The following SEC31A variants were observed in gnomAD, a reference collection of about 807,000 sequenced individuals.
SEC31A encodes the protein protein transport protein Sec31A.
SEC31A carries 70 observed loss-of-function variants against 151.0 expected under a neutral mutation model. That is an observed-to-expected ratio of 0.46 (90% CI 0.38 to 0.57). The LOEUF (loss-of-function observed/expected upper bound fraction) is 0.57. Among genes scored for constraint, SEC31A ranks in the 20% least tolerant of loss-of-function variants. SEC31A has a pLI of 0.00. For synonymous variants in SEC31A, 475 were observed against 505.9 expected (o/e 0.94, Z 0.82); for missense variants, 1,330 against 1,471.2 (o/e 0.90, Z 1.57).
In SEC31A at chr4:82,818,956, C is replaced by G; in HGVS notation, c.*118G>C. 1 of 717,762 alleles carries G rather than the reference C, an allele frequency of 1.4e-6. No individual in the cohort carries two copies. Among genetic ancestry groups the G allele is most frequent in the East Asian group, 2.8e-5 (1 of 35,640 alleles). 44.5% of individuals were successfully genotyped at this position (717,762 alleles called of 1,614,324 possible). On this transcript the variant is annotated 3_prime_UTR_variant, in exon 27 of 27. Transcript: ENST00000395310. ...TATATCAGCAGAAATAGTGTAAATG[C>G]TCTTGACTGGTTGCTATGCAAACAT...
At chr4:82,878,270 C>T (rs529143004) in intron 4 of SEC31A, among the ~76,000 whole-genome samples, 16 of 151,898 alleles carry the variant, frequency 1.1e-4, no homozygotes, top group Non-Finnish European at 1.5e-4. Flanking sequence ...CCGAGGCGGG[C>T]GGATCACAAG....
intron 10 of SEC31A, among the ~76,000 whole-genome samples, 178 bp from the exon 11 acceptor site, chr4:82,864,776 T>C (rs1018912334): frequency 6.6e-6 from 1 of 151,862 alleles, no homozygotes; most frequent in Non-Finnish European, 1.5e-5. Context: ...TTTGGTTTTT[T>C]GGTTTTTTTT....
At chr4:82,849,134 G>A (rs1392283609) in intron 19 of SEC31A, among the ~76,000 whole-genome samples, 157 bp from the exon 20 acceptor site, 1 of 152,148 alleles carries the variant, frequency 6.6e-6, no homozygotes, top group African/African-American at 2.4e-5. Context: ...TTGACATTGT[G>A]CTTTCTACTA....
chr4:82,866,834 G>C lies in SEC31A; in HGVS notation c.1171C>G (p.Arg391Gly). The change falls in exon 10 of 27, where the codon CGA becomes GGA. Residue 391 changes from arginine to glycine, a missense_variant. Physicochemically the swap from Arg to Gly is moderately radical, Grantham distance 125 (BLOSUM62 -2). Coordinates refer to ENST00000395310, the MANE Select transcript of SEC31A (RefSeq NM_001077207.4). ...GAAAAAGAAGCACCAACAGGCCTTC[G>C]AATCCACTTGGGCGGCTTCTTCAGA... ...LPLKKPPKWI[R>G]RPVGASFSFG... The C allele has an allele frequency of 6.2e-7, 1 of 1,605,040 alleles. No individual in the cohort carries two copies. The highest frequency in any genetic ancestry group is 8.5e-7 in the Non-Finnish European group (1 of 1,177,832).
rs1370645789 is a variant in SEC31A at position 82,824,552 on chromosome 4, T to C, written c.3411+3A>G. 1 of 1,611,912 alleles carries C rather than the reference T, an allele frequency of 6.2e-7. No homozygotes were observed. Among genetic ancestry groups the C allele is most frequent in the Non-Finnish European group, 8.5e-7 (1 of 1,179,494 alleles). The stretch of plus-strand genomic sequence containing the variant: ...AATATGATTTAAAAAAATAAATACA[T>C]ACAGGGTCTGTTGCTGAAGAAAGGC... On this transcript the variant is annotated splice_donor_region_variant and intron_variant, in intron 25 of 26. Coordinates refer to ENST00000395310, the MANE Select transcript of SEC31A (RefSeq NM_001077207.4).
intron 20 of SEC31A, chr4:82,845,224 C>T: frequency 2.0e-6 from 3 of 1,533,664 alleles, no homozygotes; most frequent in Non-Finnish European, 2.6e-6. Flanking sequence ...GGAGAGGCTG[C>T]AGGTGGATGG....
At chr4:82,900,161 C>G (rs1435844501) in exon 2 of SEC31A, 1 of 152,426 alleles carries the variant, frequency 6.6e-6, no homozygotes, top group Non-Finnish European at 1.5e-5. Context: ...TCCTGCTCCT[C>G]CGGTATCACA....
rs746237302 is a variant in SEC31A at position 82,855,040 on chromosome 4, G to A, written c.1882-11C>T. On this transcript the variant is annotated splice_polypyrimidine_tract_variant and intron_variant, in intron 16 of 26. Coordinates refer to ENST00000395310, the MANE Select transcript of SEC31A (RefSeq NM_001077207.4). ...CACTGCAGTGATGAGCTTGAGAAAC[G>A]AAAACAAAGGAAGAATTAAAAGTCT... 6 of 1,580,782 alleles carry A rather than the reference G, an allele frequency of 3.8e-6. No homozygotes were observed. The highest frequency in any genetic ancestry group is 4.5e-5 in the East Asian group (2 of 43,964).
At chr4:82,829,741 C>T (rs892364607) in intron 22 of SEC31A, among the ~76,000 whole-genome samples, 4 of 151,866 alleles carry the variant, frequency 2.6e-5, no homozygotes, top group African/African-American at 4.8e-5. Flanking sequence ...TAGTAAATTT[C>T]CTCTAAAAAA....
chr4:82,883,260 C>T (rs913277378), intron 1 of SEC31A, among the ~76,000 whole-genome samples: 1 of 152,058 alleles, frequency 6.6e-6, no homozygotes, highest in Non-Finnish European at 1.5e-5. Context: ...TAGTCTAATA[C>T]CAACAAACAC....
At chr4:82,883,988 CTTTTTT>C (rs11373334) in intron 1 of SEC31A, among the ~76,000 whole-genome samples, 4 of 125,968 alleles carry the variant, frequency 3.2e-5, no homozygotes, top group Admixed American at 9.1e-5. Flanking sequence ...CTTTTCTATT[CTTTTTT>C]TTTTTTTTTT....
intron 7 of SEC31A, 174 bp downstream of exon 7, chr4:82,871,770 C>T: frequency 1.5e-6 from 1 of 688,404 alleles, no homozygotes; most frequent in Non-Finnish European, 2.3e-6. Context: ...ACCTGGGAGG[C>T]AGAGGTTGCA....
At position 82,874,738 on chromosome 4, in the gene SEC31A, A is replaced by C. The variant is rs1211904035; in HGVS notation, c.512T>G (p.Ile171Ser). 1.9e-6 allele frequency: 3 copies of C among 1,607,404 alleles called. No individual in the cohort carries two copies. Among genetic ancestry groups the C allele is most frequent in the East Asian group, 2.2e-5 (1 of 44,658 alleles). ...TTGTCTGTTCCATGCAATGCAGCTG[A>C]TATCTTCTGGCGGCTACAAGGAAGA... Reference protein sequence around the residue: ...PGAKTQPPEDISCIAWNRQVQ... With the variant: ...PGAKTQPPEDSSCIAWNRQVQ... The change falls in exon 6 of 27, where the codon ATC (isoleucine) becomes AGC (serine). Residue 171 changes from isoleucine to serine, a missense_variant. By Grantham distance (142) the Ile-to-Ser change is moderately radical. Coordinates refer to ENST00000395310, the MANE Select transcript of SEC31A (RefSeq NM_001077207.4).
chr4:82,833,615 A>C (rs1012815174), intron 22 of SEC31A, among the ~76,000 whole-genome samples: 1 of 152,154 alleles, frequency 6.6e-6, no homozygotes, highest in Non-Finnish European at 1.5e-5. Context: ...ACCAAAGTTT[A>C]TAGCAGTGGA....
intron 22 of SEC31A, among the ~76,000 whole-genome samples, chr4:82,835,613 T>C (rs1271521308): frequency 6.6e-6 from 1 of 152,056 alleles, no homozygotes; most frequent in Non-Finnish European, 1.5e-5. Context: ...CTGACCAACA[T>C]GGTGAAACCC....
intron 20 of SEC31A, among the ~76,000 whole-genome samples, chr4:82,845,598 T>TA (rs1729910022): frequency 6.6e-6 from 1 of 151,176 alleles, no homozygotes; most frequent in South Asian, 2.1e-4. Flanking sequence ...TATAAGTGGG[T>TA]AAAGTGAGGC....
intron 1 of SEC31A, among the ~76,000 whole-genome samples, chr4:82,883,463 A>T (rs1482330346): frequency 6.6e-6 from 1 of 152,218 alleles, no homozygotes; most frequent in Non-Finnish European, 1.5e-5. Context: ...TACCACCAAC[A>T]GTAATATACG....
chr4:82,883,828 C>CAA (rs941226879), intron 1 of SEC31A, among the ~76,000 whole-genome samples: 12 of 124,156 alleles, frequency 9.7e-5, no homozygotes, highest in African/African-American at 3.6e-4. Context: ...GACCATGACT[C>CAA]AAAAAAAAAA....
chr4:82,868,410 A>C (rs1272167027), intron 8 of SEC31A, among the ~76,000 whole-genome samples: 1 of 152,040 alleles, frequency 6.6e-6, no homozygotes. Flanking sequence ...CTGAGGTGGG[A>C]GGACTGATGG....
Sources: allele counts gnomAD v4.1 joint callset (sites outside exome capture counted in the v4.1 genomes callset), GRCh38; gene constraint gnomAD v4.1.1; transcripts MANE v1.5; gene names NCBI Gene and HGNC (gene_info 2026-07-23, HGNC 2026-07-21).